The following KDM5A variants were observed in gnomAD, a reference collection of about 807,000 sequenced individuals.
KDM5A encodes the protein lysine demethylase 5A, also known as lysine-specific demethylase 5A.
A neutral mutation model predicts 193.5 loss-of-function variants in KDM5A; 42 were observed. That is an observed-to-expected ratio of 0.22 (90% confidence interval 0.17 to 0.28). The LOEUF is 0.28. Among genes scored for constraint, KDM5A ranks in the 10% least tolerant of loss-of-function variants. The pLI is 1.00. For synonymous variants in KDM5A, 796 were observed against 718.1 expected (o/e 1.11, Z -1.73); for missense variants, 1,692 against 2,055.1 (o/e 0.82, Z 3.42).
rs568271719 is a variant in KDM5A at position 383,914 on chromosome 12, A to G, written c.366+117T>C. ...CAGGCATGCGCCACCATACCCAGCT[A>G]GTGCATTTCATTGTCAAACAAATCC... On this transcript the variant is annotated intron_variant, in intron 3 of 27. Transcript: ENST00000399788. 4.0e-5 allele frequency: 44 copies of G among 1,092,052 alleles called. No homozygotes were observed. The African/African-American group carries it at 6.0e-4, about 15-fold the overall frequency. The allele number at this position is 1,092,052 out of a possible 1,614,324, so 67.6% of individuals were successfully genotyped here. A position where few individuals can be genotyped will look rare whatever the true frequency, so the allele number is the denominator to read the frequency against.
chr12:358,908 T>C (rs1008093405), intron 5 of KDM5A, among the ~76,000 whole-genome samples: 1 of 151,768 alleles, frequency 6.6e-6, no homozygotes. Context: ...AAGGCAGACA[T>C]TGCAGTGAGC....
intron 2 of KDM5A, among the ~76,000 whole-genome samples, chr12:385,524 C>G (rs190814432): frequency 2.8e-4 from 43 of 152,066 alleles, no homozygotes; most frequent in Non-Finnish European, 5.1e-4. Flanking sequence ...CAAACCAAAA[C>G]AAAACAAACT....
intron 10 of KDM5A, among the ~76,000 whole-genome samples, chr12:345,570 A>G (rs1359841408): frequency 6.6e-6 from 1 of 152,262 alleles, no homozygotes; most frequent in East Asian, 1.9e-4. Flanking sequence ...ACTGTCTCTC[A>G]GACCACAGTG....
chr12:358,390 A>C (rs1233795619), intron 5 of KDM5A, among the ~76,000 whole-genome samples: 1 of 152,216 alleles, frequency 6.6e-6, no homozygotes, highest in Admixed American at 6.5e-5. Context: ...AAACTTTTGT[A>C]GACTGATTTG....
chr12:379,365 T>C (rs553074503), intron 3 of KDM5A, among the ~76,000 whole-genome samples: 1 of 152,316 alleles, frequency 6.6e-6, no homozygotes, highest in East Asian at 1.9e-4. Context: ...TCAGAATAAA[T>C]TACCTTTGTG....
In KDM5A at chr12:297,190, C is replaced by A. The variant is rs1430695465; in HGVS notation, c.4085G>T (p.Ser1362Ile). The A allele has an allele frequency of 1.2e-6, 2 of 1,613,890 alleles. No individual in the cohort carries two copies. Among genetic ancestry groups the A allele is most frequent in the Non-Finnish European group, 1.7e-6 (2 of 1,179,940 alleles). Reference sequence around the variant, plus strand: ...TTCAAGACTACTAGAGGACTTCACACTGGCTGTGTCCTGAAGAAGAAACAA... The same window carrying A: ...TTCAAGACTACTAGAGGACTTCACAATGGCTGTGTCCTGAAGAAGAAACAA... ...TYGYDMKDTASVKSSSSLEPN... is the reference protein window; with the variant it reads ...TYGYDMKDTAIVKSSSSLEPN... The change falls in exon 25 of 28, where the codon AGT becomes ATT. Residue 1362 changes from serine (S) to isoleucine (I), a missense_variant. Coordinates refer to ENST00000399788, the MANE Select transcript of KDM5A (RefSeq NM_001042603.3).
intron 17 of KDM5A, 59 bp downstream of exon 17, chr12:322,358 G>C: frequency 6.5e-7 from 1 of 1,548,636 alleles, no homozygotes. Flanking sequence ...ATAAAATTTT[G>C]GTTTTTACTC....
intron 3 of KDM5A, among the ~76,000 whole-genome samples, chr12:374,340 C>T (rs1240817274): frequency 1.3e-5 from 2 of 151,824 alleles, no homozygotes; most frequent in South Asian, 2.1e-4. Context: ...ATGTAATGGC[C>T]TTGTCTCTGA....
At chr12:314,674 A>G (rs1464701473) in intron 19 of KDM5A, among the ~76,000 whole-genome samples, 1 of 152,182 alleles carries the variant, frequency 6.6e-6, no homozygotes, top group Non-Finnish European at 1.5e-5. Flanking sequence ...TCCTTTCTGA[A>G]CAAGACTTAA....
rs200008654 is a variant in KDM5A, at chr12:322,435, C to G, written c.2408G>C (p.Ser803Thr). The G allele has an allele frequency of 5.0e-5, 80 of 1,612,580 alleles. No individual in the cohort carries two copies. Among genetic ancestry groups the G allele is most frequent in the Non-Finnish European group, 6.4e-5 (75 of 1,179,930 alleles). ...GGTTTACCTGTGTTTCTGCTTTTTG[C>G]TCAGAAGCAGCTGAGCCACAGAAGC... ...TCASVAQLLL[S>T]KKQKHRQSPD... Residue 803 changes from serine to threonine, a missense_variant, in exon 17 of 28, where the codon AGC becomes ACC. Physicochemically the swap from Ser to Thr is moderately conservative, Grantham distance 58. Coordinates refer to ENST00000399788, the MANE Select transcript of KDM5A (RefSeq NM_001042603.3).
At chr12:311,097 G>A (rs767140389) in intron 20 of KDM5A, 33 bp from the exon 21 acceptor site, 2 of 1,608,388 alleles carry the variant, frequency 1.2e-6, no homozygotes, top group South Asian at 1.1e-5. Flanking sequence ...CACAATTTGA[G>A]TTCTCTTATG....
At chr12:288,331 T>C (rs1236822829) in intron 27 of KDM5A, among the ~76,000 whole-genome samples, 1 of 152,200 alleles carries the variant, frequency 6.6e-6, no homozygotes, top group Non-Finnish European at 1.5e-5. Flanking sequence ...GAGATGTATT[T>C]AGTGAATCAC....
chr12:348,677 C>T (rs11615564), intron 10 of KDM5A, among the ~76,000 whole-genome samples: 1 of 151,672 alleles, frequency 6.6e-6, no homozygotes, highest in African/African-American at 2.4e-5. Context: ...AACCAAAAAC[C>T]ACGTGTTCTC....
chr12:388,819 AAG>A (rs754393187), intron 1 of KDM5A, 106 bp downstream of exon 1: 256 of 1,346,708 alleles, frequency 1.9e-4, no homozygotes, highest in Middle Eastern at 1.2e-3. Context: ...GTTGTCTCAA[AAG>A]AGAGTACATA....
intron 8 of KDM5A, among the ~76,000 whole-genome samples, chr12:353,532 A>G (rs1420410307): frequency 6.6e-6 from 1 of 152,160 alleles, no homozygotes; most frequent in Non-Finnish European, 1.5e-5. Flanking sequence ...CTGCAGCAAT[A>G]AACAGAATGA....
At chr12:383,536 CA>C (rs377051426) in intron 3 of KDM5A, among the ~76,000 whole-genome samples, 3 of 149,542 alleles carry the variant, frequency 2.0e-5, no homozygotes, top group South Asian at 2.1e-4. Context: ...AATTAAGTAA[CA>C]AAAAAAAAGA....
chr12:355,138 AC>A lies in KDM5A; in HGVS notation c.870+19del. 1.4e-6 allele frequency: 2 copies of A among 1,428,860 alleles called. No individual in the cohort carries two copies. The highest frequency in any genetic ancestry group is 2.0e-6 in the Non-Finnish European group (2 of 1,010,676). 88.5% of individuals were successfully genotyped at this position (1,428,860 alleles called of 1,614,324 possible). On this transcript the variant is annotated intron_variant, in intron 7 of 27. Coordinates refer to ENST00000399788, the MANE Select transcript of KDM5A (RefSeq NM_001042603.3). ...ATAAAAATAAATCCTTTCCCTCCTG[AC>A]AGACCCCAAAACACTTACAAAGTTA... is the stretch of plus-strand genomic sequence containing the variant.
intron 10 of KDM5A, among the ~76,000 whole-genome samples, chr12:338,833 A>G (rs945357584): frequency 2.0e-5 from 3 of 152,184 alleles, no homozygotes; most frequent in African/African-American, 4.8e-5. Flanking sequence ...TTCAAGTCCT[A>G]TACTTACTTT....
chr12:321,164 C>T, intron 17 of KDM5A, 55 bp from the exon 18 acceptor site: 2 of 1,215,290 alleles, frequency 1.6e-6, no homozygotes, highest in East Asian at 2.3e-5. Context: ...ATTCTGATAT[C>T]AAAAGGGCTC....
Sources: gnomAD v4.1 joint callset for allele counts (sites outside exome capture counted in the v4.1 genomes callset) on GRCh38, gnomAD v4.1.1 for gene constraint, MANE v1.5 for transcripts, NCBI Gene and HGNC (gene_info 2026-07-23, HGNC 2026-07-21) for gene names.